The following SUMF1 variants were observed in gnomAD, a reference collection of about 807,000 sequenced individuals.
SUMF1 encodes sulfatase modifying factor 1.
In SUMF1, 48 loss-of-function variants were observed where a neutral mutation model predicts 47.6. The observed-to-expected ratio is 1.01, with a 90% CI of 0.80 to 1.28. SUMF1 has a LOEUF of 1.28. Ranked by LOEUF, SUMF1 falls within the 50% of genes most tolerant of loss-of-function variation. The pLI is 0.00. For synonymous variants in SUMF1, 230 were observed against 192.1 expected, an observed-to-expected ratio of 1.20 and a Z score of -1.63; for missense variants, 571 against 485.4, an observed-to-expected ratio of 1.18 and a Z score of -1.66.
At chr3:4,433,244 A>G (rs1702293182) in intron 3 of SUMF1, among the ~76,000 whole-genome samples, 1 of 152,224 alleles carries the variant, frequency 6.6e-6, no homozygotes, top group African/African-American at 2.4e-5. Context: ...CCTCAAAAGA[A>G]CCAAGACATG....
At chr3:4,380,362 G>A (rs951764034) in intron 7 of SUMF1, among the ~76,000 whole-genome samples, 1 of 152,176 alleles carries the variant, frequency 6.6e-6, no homozygotes, top group African/African-American at 2.4e-5. Flanking sequence ...ATAAATGGGA[G>A]CTAAACATTG....
chr3:4,046,044 T>C (rs1695000909), intron 9 of SUMF1, among the ~76,000 whole-genome samples: 1 of 152,056 alleles, frequency 6.6e-6, no homozygotes, highest in African/African-American at 2.4e-5. Context: ...CAGCAAGAGC[T>C]TGTCTCTTAA....
chr3:4,059,079 T>G (rs1165079855), intron 9 of SUMF1, among the ~76,000 whole-genome samples: 1 of 152,188 alleles, frequency 6.6e-6, no homozygotes, highest in African/African-American at 2.4e-5. Flanking sequence ...GTGATCACTC[T>G]AAATATATAG....
At chr3:4,124,986 A>G (rs904261130) in intron 8 of SUMF1, among the ~76,000 whole-genome samples, 1 of 152,154 alleles carries the variant, frequency 6.6e-6, no homozygotes. Flanking sequence ...TGTGATTCCA[A>G]TCAAATCATT....
At chr3:4,062,869 G>C (rs568149865) in intron 9 of SUMF1, among the ~76,000 whole-genome samples, 144 of 152,206 alleles carry the variant, frequency 9.5e-4, no homozygotes, top group African/African-American at 3.3e-3. Flanking sequence ...TTAGATAACA[G>C]GGAAGTCTAA....
chr3:4,040,028 T>A (rs114682257), intron 9 of SUMF1, among the ~76,000 whole-genome samples: 1,843 of 152,042 alleles, frequency 0.012, 34 homozygotes, highest in African/African-American at 0.043. Context: ...AGAAAAAAAA[T>A]GTTTTGTATA....
intron 8 of SUMF1, among the ~76,000 whole-genome samples, chr3:4,111,906 T>C (rs1383510179): frequency 6.6e-6 from 1 of 152,156 alleles, no homozygotes; most frequent in Non-Finnish European, 1.5e-5. Context: ...AGAGAAATTC[T>C]GGAGGAAATT....
chr3:4,114,126 T>TA (rs1257013004), intron 8 of SUMF1, among the ~76,000 whole-genome samples: 1 of 152,114 alleles, frequency 6.6e-6, no homozygotes, highest in African/African-American at 2.4e-5. Context: ...ACCAAATACC[T>TA]AAAATCAAGA....
chr3:4,317,475 T>C lies in SUMF1; in HGVS notation c.1014+58855A>G, dbSNP rs1698711113. Reference sequence around the variant, plus strand: ...AGGCGGGCAGATCACTTGAGTCCAATTGTTCAGGACCAGCCTGGGCAACAT... The same window carrying C: ...AGGCGGGCAGATCACTTGAGTCCAACTGTTCAGGACCAGCCTGGGCAACAT... On this transcript the variant is annotated intron_variant and NMD_transcript_variant, in intron 8 of 12. Coordinates refer to the SUMF1 transcript ENST00000448413. 4 of 466,940 alleles carry C rather than the reference T, an allele frequency of 8.6e-6. No homozygotes were observed. In the South Asian group the frequency reaches 1.1e-4, roughly 13 times the overall value. 28.9% of individuals were successfully genotyped at this position (466,940 alleles called of 1,614,324 possible).
intron 8 of SUMF1, among the ~76,000 whole-genome samples, chr3:4,120,078 A>G (rs1437044876): frequency 6.6e-6 from 1 of 152,140 alleles, no homozygotes; most frequent in Admixed American, 6.6e-5. Context: ...GCCAGGCACA[A>G]TGTTCCTAAA....
At chr3:4,459,962 A>T (rs73807248) in intron 1 of SUMF1, among the ~76,000 whole-genome samples, 1 of 152,236 alleles carries the variant, frequency 6.6e-6, no homozygotes, top group African/African-American at 2.4e-5. Flanking sequence ...GTCCATCAAT[A>T]GCAGGCTCAT....
chr3:4,151,315 C>T lies in SUMF1; in HGVS notation c.1015-82570G>A, dbSNP rs976657066. 1.4e-4 allele frequency among the ~76,000 whole-genome samples: 21 copies of T among 148,116 alleles called. 1 individual carries two copies. The highest frequency in any genetic ancestry group is 5.0e-4 in the African/African-American group (20 of 39,738). On this transcript the variant is annotated intron_variant and NMD_transcript_variant, in intron 8 of 12. Transcript: ENST00000448413. ...GGAGTGCTGCTGCTAGTCTGGGGTG[C>T]TTCTCCCTACAGGGAAGAAGAAAAA...
intron 8 of SUMF1, among the ~76,000 whole-genome samples, chr3:4,252,707 T>C (rs1369297026): frequency 1.3e-5 from 2 of 152,108 alleles, no homozygotes; most frequent in Non-Finnish European, 2.9e-5. Flanking sequence ...CCAACCCCTT[T>C]AATGAAGGGG....
At chr3:4,197,630 A>C (rs1049608793) in intron 8 of SUMF1, among the ~76,000 whole-genome samples, 2 of 152,160 alleles carry the variant, frequency 1.3e-5, no homozygotes, top group Non-Finnish European at 2.9e-5. Flanking sequence ...GGAATGGCGG[A>C]GGATGCTACT....
chr3:4,095,332 C>T (rs1291794741), intron 8 of SUMF1, among the ~76,000 whole-genome samples: 1 of 152,096 alleles, frequency 6.6e-6, no homozygotes, highest in Non-Finnish European at 1.5e-5. Context: ...TATTGTGCAA[C>T]TCATCTCTAT....
chr3:4,326,825 A>G lies in SUMF1; in HGVS notation c.1014+49505T>C, dbSNP rs560054819. ...CATAAGCCACCATGCCCAGCCTCCA[A>G]GGGGCTTTTATTGGCTCTCTAACAT... On this transcript the variant is annotated intron_variant and NMD_transcript_variant, in intron 8 of 12. Coordinates refer to the SUMF1 transcript ENST00000448413. Among the ~76,000 whole-genome samples, 181 of 152,168 alleles carry G rather than the reference A, an allele frequency of 1.2e-3. 1 individual carries two copies. Among genetic ancestry groups the G allele is most frequent in the African/African-American group, 4.2e-3 (173 of 41,532 alleles).
At chr3:4,421,388 G>A (rs1395309137) in intron 3 of SUMF1, among the ~76,000 whole-genome samples, 6 of 152,132 alleles carry the variant, frequency 3.9e-5, no homozygotes, top group Admixed American at 6.5e-5. Context: ...CTCAGTAAAG[G>A]GAACCAGTCT....
At chr3:4,161,560 T>C (rs1016733040) in intron 8 of SUMF1, among the ~76,000 whole-genome samples, 1 of 150,416 alleles carries the variant, frequency 6.6e-6, no homozygotes, top group African/African-American at 2.5e-5. Context: ...GGGAGTGGAG[T>C]CTCTCTCCAT....
chr3:4,261,360 C>G (rs1003325275), intron 8 of SUMF1, among the ~76,000 whole-genome samples: 7 of 152,156 alleles, frequency 4.6e-5, no homozygotes, highest in African/African-American at 1.7e-4. Context: ...ACATTCAGTT[C>G]AAAAACACAA....
Sources: gnomAD v4.1 joint callset for allele counts (sites outside exome capture counted in the v4.1 genomes callset) on GRCh38, gnomAD v4.1.1 for gene constraint, MANE v1.5 for transcripts, NCBI Gene and HGNC (gene_info 2026-07-23, HGNC 2026-07-21) for gene names.